AKAP6: variants seen among roughly 807,000 people sequenced by gnomAD.
AKAP6 encodes A-kinase anchor protein 6.
Under a neutral mutation model 188.5 loss-of-function variants are expected in AKAP6, and 58 were observed. That is an observed-to-expected ratio of 0.31 (90% CI 0.25 to 0.38). The LOEUF is 0.38. Ranked by LOEUF, AKAP6 falls within the 10% of genes least tolerant of loss-of-function variation. The probability of loss-of-function intolerance (pLI) is 1.00; values close to 1 mark genes in which losing one functional copy is unlikely to be tolerated. For synonymous variants in AKAP6, 989 were observed against 998.6 expected (o/e 0.99, Z 0.18); for missense variants, 2,710 against 2,740.0 (o/e 0.99, Z 0.24).
At chr14:32,783,931 T>C (rs1057385522) in intron 12 of AKAP6, among the ~76,000 whole-genome samples, 1 of 152,152 alleles carries the variant, frequency 6.6e-6, no homozygotes, top group African/African-American at 2.4e-5. Context: ...TTAAATCAAG[T>C]AAATGAACAA....
At chr14:32,678,837 A>C (rs1889551694) in intron 8 of AKAP6, among the ~76,000 whole-genome samples, 1 of 152,196 alleles carries the variant, frequency 6.6e-6, no homozygotes, top group Non-Finnish European at 1.5e-5. Context: ...TAAACACCAG[A>C]ACCATTTTGG....
intron 2 of AKAP6, among the ~76,000 whole-genome samples, chr14:32,458,585 T>C (rs1891220266): frequency 6.6e-6 from 1 of 152,124 alleles, no homozygotes; most frequent in African/African-American, 2.4e-5. Flanking sequence ...CCATACAAAG[T>C]TATTATTTTT....
intron 12 of AKAP6, among the ~76,000 whole-genome samples, chr14:32,792,661 T>C (rs1489722239): frequency 2.0e-5 from 3 of 152,198 alleles, no homozygotes; most frequent in Non-Finnish European, 4.4e-5. Flanking sequence ...CTATGTTGAA[T>C]AGGAGTGGTG....
chr14:32,377,682 A>G (rs1448509608), intron 1 of AKAP6, among the ~76,000 whole-genome samples: 2 of 152,130 alleles, frequency 1.3e-5, no homozygotes, highest in South Asian at 2.1e-4. Context: ...TCATTTGACT[A>G]TTTGTTAGCT....
chr14:32,788,473 T>C (rs962756897), intron 12 of AKAP6, among the ~76,000 whole-genome samples: 25 of 152,240 alleles, frequency 1.6e-4, no homozygotes, highest in African/African-American at 4.6e-4. Context: ...GGATCTCACA[T>C]TGAAACTAAC....
chr14:32,532,620 G>A (rs916741285), intron 2 of AKAP6, among the ~76,000 whole-genome samples: 1 of 152,152 alleles, frequency 6.6e-6, no homozygotes, highest in African/African-American at 2.4e-5. Flanking sequence ...TTGCAGGATG[G>A]TGTGGAGTAG....
At chr14:32,786,524 C>A (rs943840336) in intron 12 of AKAP6, among the ~76,000 whole-genome samples, 3 of 151,336 alleles carry the variant, frequency 2.0e-5, no homozygotes, top group Non-Finnish European at 4.4e-5. Context: ...TGGGGTTTTA[C>A]CGTGTTAGCC....
intron 1 of AKAP6, among the ~76,000 whole-genome samples, chr14:32,375,316 C>A (rs1566471473): frequency 6.6e-6 from 1 of 152,146 alleles, no homozygotes; most frequent in African/African-American, 2.4e-5. Context: ...ACAGAAGATA[C>A]TATGTGCAGT....
At chr14:32,599,299 T>C (rs1000919299) in intron 5 of AKAP6, 111 bp from the exon 6 acceptor site, 20 of 778,028 alleles carry the variant, frequency 2.6e-5, no homozygotes, top group Non-Finnish European at 3.5e-5. Flanking sequence ...AGTTTGTCTA[T>C]TGGGTAAATT....
At chr14:32,535,851 C>G in intron 3 of AKAP6, 46 bp downstream of exon 3, 1 of 1,569,408 alleles carries the variant, frequency 6.4e-7, no homozygotes, top group Non-Finnish European at 8.7e-7. Context: ...CAGGTATGAC[C>G]AATTGAGAAT....
Position 32,695,994 on chromosome 14 carries a change from C to T in AKAP6, c.2884C>T (p.Leu962=). Residue 962 remains leucine, a synonymous_variant, in exon 9 of 14, where the codon CTG becomes TTG. Transcript: ENST00000280979. The part of the protein sequence containing the change: ...KVHSVGSNGL[L]DFDSEYQELW... Reference sequence around the variant, plus strand: ...CATTTTGCGCCTTATCTTCAGGCTTCTGGACTTTGATTCAGAATATCAGGA... The same window carrying T: ...CATTTTGCGCCTTATCTTCAGGCTTTTGGACTTTGATTCAGAATATCAGGA... The T allele has an allele frequency of 6.2e-7, 1 of 1,612,606 alleles. No homozygotes were observed. The highest frequency in any genetic ancestry group is 8.5e-7 in the Non-Finnish European group (1 of 1,179,596).
At chr14:32,692,432 G>A (rs1890221460) in intron 8 of AKAP6, among the ~76,000 whole-genome samples, 1 of 152,138 alleles carries the variant, frequency 6.6e-6, no homozygotes, top group African/African-American at 2.4e-5. Context: ...AGAGGAGGAG[G>A]TGAAAGGAAG....
intron 4 of AKAP6, among the ~76,000 whole-genome samples, chr14:32,565,388 G>T (rs901429652): frequency 3.3e-5 from 5 of 152,124 alleles, no homozygotes; most frequent in African/African-American, 1.2e-4. Flanking sequence ...ATAGAAAGTT[G>T]GCAGTCATCC....
At chr14:32,675,989 C>T (rs1158498541) in intron 7 of AKAP6, among the ~76,000 whole-genome samples, 1 of 152,172 alleles carries the variant, frequency 6.6e-6, no homozygotes, top group Non-Finnish European at 1.5e-5. Flanking sequence ...ACCAGTGGCA[C>T]ACATTTGTGA....
At chr14:32,717,421 T>C (rs1303870686) in intron 9 of AKAP6, among the ~76,000 whole-genome samples, 5 of 152,150 alleles carry the variant, frequency 3.3e-5, no homozygotes, top group African/African-American at 1.2e-4. Context: ...CAATGCTGTT[T>C]ATTTTTATGT....
At position 32,822,244 on chromosome 14, in the gene AKAP6, A is replaced by T; in HGVS notation, c.4431A>T (p.Lys1477Asn). ...ATTACTCATACCTCCAAGGCTCAAA[A>T]CTCAAATTACCAATGATAATGAAAC... ...FYDYSYLQGS[K>N]LKLPMIMKQS... The change falls in exon 13 of 14, where the codon AAA becomes AAT. Residue 1477 changes from lysine (K) to asparagine (N), a missense_variant. Lys to Asn is a moderately conservative substitution (Grantham distance 94). Coordinates refer to ENST00000280979, the MANE Select transcript of AKAP6 (RefSeq NM_004274.5). The T allele has an allele frequency of 6.2e-7, 1 of 1,613,848 alleles. No homozygotes were observed. Among genetic ancestry groups the T allele is most frequent in the African/African-American group, 1.3e-5 (1 of 74,984 alleles).
chr14:32,828,525 TCTCTCACACACA>T (rs1468021477), intron 13 of AKAP6, among the ~76,000 whole-genome samples: 11,578 of 96,314 alleles, frequency 0.12, 723 homozygotes, highest in East Asian at 0.41. Context: ...TCTCTCTCTC[TCTCTCACACACA>T]CACACACACA....
intron 7 of AKAP6, among the ~76,000 whole-genome samples, chr14:32,608,007 T>A (rs1184217542): frequency 6.6e-6 from 1 of 152,168 alleles, no homozygotes; most frequent in African/African-American, 2.4e-5. Flanking sequence ...GGTTACTAAG[T>A]TTGTTATCGA....
At chr14:32,632,577 G>A (rs967717927) in intron 7 of AKAP6, among the ~76,000 whole-genome samples, 2 of 152,050 alleles carry the variant, frequency 1.3e-5, no homozygotes, top group African/African-American at 4.8e-5. Context: ...AATTTGCAGA[G>A]ATGTGCATCT....
Sources: gnomAD v4.1 joint callset for allele counts (sites outside exome capture counted in the v4.1 genomes callset) on GRCh38, gnomAD v4.1.1 for gene constraint, MANE v1.5 for transcripts, NCBI Gene and HGNC (gene_info 2026-07-23, HGNC 2026-07-21) for gene names.